DNAAF9: variants seen among roughly 807,000 people sequenced by gnomAD.
DNAAF9 encodes dynein axonemal assembly factor 9.
A neutral mutation model predicts 167.0 loss-of-function variants in DNAAF9; 90 were observed. The observed-to-expected ratio is 0.54, with a 90% confidence interval of 0.45 to 0.64. The LOEUF (loss-of-function observed/expected upper bound fraction) is 0.64, where lower values mean the gene tolerates loss of function less well. DNAAF9 is among the 30% of genes least tolerant of loss of function. The pLI, the probability that DNAAF9 is intolerant of heterozygous loss-of-function variation, is 0.00. For synonymous variants in DNAAF9, 491 were observed against 508.8 expected, an observed-to-expected ratio of 0.96 and a Z score of 0.47; for missense variants, 1,315 against 1,442.2, an observed-to-expected ratio of 0.91 and a Z score of 1.43.
At chr20:3,311,142 T>C (rs1447772681) in intron 20 of DNAAF9, among the ~76,000 whole-genome samples, 1 of 152,154 alleles carries the variant, frequency 6.6e-6, no homozygotes, top group Non-Finnish European at 1.5e-5. Context: ...AGCCTATATT[T>C]ACTTATTTAT....
chr20:3,322,700 T>C lies in DNAAF9; in HGVS notation c.1266-4A>G, dbSNP rs769639104. ...TATATGAAAAGTCATCTTGGAGCTGTAGACCAGAAACAAAACAAAAGAAAA... is the reference window on the plus strand; with the variant it reads ...TATATGAAAAGTCATCTTGGAGCTGCAGACCAGAAACAAAACAAAAGAAAA... On this transcript the variant is annotated splice_region_variant and splice_polypyrimidine_tract_variant and intron_variant, in intron 14 of 36. Transcript: ENST00000252032. 6.8e-6 allele frequency: 11 copies of C among 1,611,050 alleles called. No homozygotes were observed. The East Asian group carries it at 1.6e-4, about 23-fold the overall frequency.
chr20:3,281,497 G>A, intron 28 of DNAAF9, 144 bp downstream of exon 28: 1 of 603,230 alleles, frequency 1.7e-6, no homozygotes, highest in South Asian at 3.2e-5. Context: ...TAAGTCCAAA[G>A]GGGTCTATTG....
Position 3,306,034 on chromosome 20 carries a change from C to G in DNAAF9, c.1679-1491G>C, listed in dbSNP as rs529177044. Among the ~76,000 whole-genome samples, 4 of 152,164 alleles carry G rather than the reference C, an allele frequency of 2.6e-5. 1 individual carries two copies. ...ACACCACAGCATGTTACTTTCATTC[C>G]CCTAGAGACACAAGCCCCTCCCTCT... On this transcript the variant is annotated intron_variant, in intron 20 of 36. Coordinates refer to ENST00000252032, the MANE Select transcript of DNAAF9 (RefSeq NM_001009984.3).
intron 30 of DNAAF9, among the ~76,000 whole-genome samples, chr20:3,268,140 T>C (rs1343136504): frequency 6.6e-6 from 1 of 151,758 alleles, no homozygotes; most frequent in Non-Finnish European, 1.5e-5. Flanking sequence ...TCAATTCTCC[T>C]GCCTCAGCCT....
intron 6 of DNAAF9, among the ~76,000 whole-genome samples, chr20:3,362,514 T>C (rs1432100677): frequency 6.6e-6 from 1 of 152,158 alleles, no homozygotes; most frequent in African/African-American, 2.4e-5. Flanking sequence ...TCAATTCTGT[T>C]TTTTTTCTAC....
chr20:3,346,029 A>C (rs79436918), intron 8 of DNAAF9, among the ~76,000 whole-genome samples: 2,041 of 152,346 alleles, frequency 0.013, 21 homozygotes, highest in Middle Eastern at 0.034. Context: ...AACAATATGT[A>C]AACAAAATAT....
chr20:3,363,714 A>C (rs932718019), intron 6 of DNAAF9, among the ~76,000 whole-genome samples: 6 of 152,100 alleles, frequency 3.9e-5, no homozygotes, highest in Non-Finnish European at 8.8e-5. Context: ...AAACAAAACA[A>C]AAAGACATAA....
At chr20:3,389,158 A>G (rs1317738332) in intron 1 of DNAAF9, among the ~76,000 whole-genome samples, 2 of 151,592 alleles carry the variant, frequency 1.3e-5, no homozygotes, top group African/African-American at 4.9e-5. Context: ...TTTAGTAGAG[A>G]TGAGGTTTCA....
chr20:3,253,574 C>T (rs1316098102), intron 36 of DNAAF9, 152 bp downstream of exon 36: 6 of 611,012 alleles, frequency 9.8e-6, no homozygotes, highest in Non-Finnish European at 1.8e-5. Flanking sequence ...TGAGGTTTGC[C>T]CCTGTGCATT....
chr20:3,397,349 C>T (rs975921675), intron 1 of DNAAF9, among the ~76,000 whole-genome samples: 42 of 147,436 alleles, frequency 2.8e-4, no homozygotes, highest in African/African-American at 9.3e-4. Flanking sequence ...GACGGAGTCT[C>T]GCTCAGTCAC....
At position 3,259,554 on chromosome 20, in the gene DNAAF9, G is replaced by C; in HGVS notation, c.2981C>G (p.Ala994Gly). ...EKTRFVAKCK[A>G]IQSSIKPSPF... is the part of the protein sequence containing the mutation. ...ACTTGGCTTGATGGAGGACTGAATT[G>C]CTGGTGGAAGAAGAGGACAGCGCTG... Residue 994 changes from alanine (A) to glycine (G), a missense_variant and splice_region_variant, in exon 33 of 37, where the codon GCA (alanine) becomes GGA (glycine). By Grantham distance (60) the Ala-to-Gly change is moderately conservative. This residue lies in a region of DNAAF9 where 334 missense variants were observed against 429.7 expected (regional missense o/e 0.78). Coordinates refer to ENST00000252032, the MANE Select transcript of DNAAF9 (RefSeq NM_001009984.3). The C allele has an allele frequency of 6.2e-7, 1 of 1,607,336 alleles. No homozygotes were observed. Among genetic ancestry groups the C allele is most frequent in the East Asian group, 2.2e-5 (1 of 44,830 alleles).
chr20:3,397,555 T>C (rs1397093769), intron 1 of DNAAF9, among the ~76,000 whole-genome samples: 1 of 152,178 alleles, frequency 6.6e-6, no homozygotes, highest in East Asian at 1.9e-4. Context: ...CCTGACCTCG[T>C]GATCTGCCCG....
intron 10 of DNAAF9, among the ~76,000 whole-genome samples, chr20:3,332,934 TGTG>T: frequency 6.7e-6 from 1 of 150,212 alleles, no homozygotes; most frequent in Non-Finnish European, 1.5e-5. Context: ...TGTGTGTGTG[TGTG>T]GTTTAAACCT....
intron 6 of DNAAF9, among the ~76,000 whole-genome samples, chr20:3,372,699 C>T (rs1224881713): frequency 2.0e-5 from 3 of 152,202 alleles, no homozygotes; most frequent in Non-Finnish European, 4.4e-5. Flanking sequence ...ACCAGACCAT[C>T]TGGACCTGGC....
intron 29 of DNAAF9, among the ~76,000 whole-genome samples, chr20:3,273,811 A>G (rs927180082): frequency 2.0e-5 from 3 of 152,212 alleles, no homozygotes; most frequent in Non-Finnish European, 4.4e-5. Context: ...CCAGACACCT[A>G]AATTCCCTGC....
intron 10 of DNAAF9, among the ~76,000 whole-genome samples, chr20:3,332,889 T>TGGTGTG (rs2069859878): frequency 7.5e-6 from 1 of 133,606 alleles, no homozygotes; most frequent in African/African-American, 3.1e-5. Context: ...CGTGTGTGCG[T>TGGTGTG]GTGTGCGTGT....
At chr20:3,298,481 C>T (rs2069123242) in intron 21 of DNAAF9, among the ~76,000 whole-genome samples, 1 of 152,078 alleles carries the variant, frequency 6.6e-6, no homozygotes, top group African/African-American at 2.4e-5. Flanking sequence ...CTATGCCTGG[C>T]TAATTTTTTT....
chr20:3,352,753 C>T (rs1302173098), intron 7 of DNAAF9, among the ~76,000 whole-genome samples: 2 of 152,016 alleles, frequency 1.3e-5, no homozygotes, highest in Admixed American at 6.6e-5. Flanking sequence ...ACTGCCTCTA[C>T]TGCAGGTCGG....
At chr20:3,391,774 T>C (rs751036180) in intron 1 of DNAAF9, among the ~76,000 whole-genome samples, 3 of 151,996 alleles carry the variant, frequency 2.0e-5, no homozygotes, top group Non-Finnish European at 4.4e-5. Context: ...GAGACAGGTT[T>C]CTCCATGTTG....
Sources: gnomAD v4.1 joint callset for allele counts (sites outside exome capture counted in the v4.1 genomes callset) on GRCh38, gnomAD v4.1.1 for gene constraint, gnomAD v4.1.1 regional missense constraint, MANE v1.5 for transcripts, NCBI Gene and HGNC (gene_info 2026-07-23, HGNC 2026-07-21) for gene names.